EFNA5: variants seen among roughly 807,000 people sequenced by gnomAD.
EFNA5 encodes the protein ephrin-A5.
A neutral mutation model predicts 22.9 loss-of-function variants in EFNA5; 5 were observed. The observed-to-expected ratio is 0.22, with a 90% CI of 0.11 to 0.46. The LOEUF (loss-of-function observed/expected upper bound fraction) is 0.46, where lower values mean the gene tolerates loss of function less well. Ranked by LOEUF, EFNA5 falls within the 20% of genes least tolerant of loss-of-function variation. The pLI is 0.99. For missense variants in EFNA5, 237 were observed against 293.3 expected (o/e 0.81, Z 1.40); for synonymous variants, 113 against 112.2 (o/e 1.01, Z -0.04).
intron 1 of EFNA5, among the ~76,000 whole-genome samples, chr5:107,441,605 C>G (rs1196545864): frequency 1.3e-5 from 2 of 152,032 alleles, no homozygotes; most frequent in Non-Finnish European, 2.9e-5. Context: ...GTGGGAGGTG[C>G]CTATTGTTTT....
intron 1 of EFNA5, among the ~76,000 whole-genome samples, chr5:107,662,943 A>T (rs1157184261): frequency 6.6e-6 from 1 of 152,130 alleles, no homozygotes; most frequent in East Asian, 1.9e-4. Context: ...AGAAAAAAAT[A>T]TGTATGGAAA....
At position 107,377,561 on chromosome 5, in the gene EFNA5, G is replaced by A. The variant is rs868780110; in HGVS notation, c.*3694C>T. ...GAAAATAATACAAATGGCTGCTGCC[G>A]TTGCTAAGGCACCGGAGAAAAACAG... On this transcript the variant is annotated 3_prime_UTR_variant, in exon 5 of 5. Coordinates refer to ENST00000333274, the MANE Select transcript of EFNA5 (RefSeq NM_001962.3). 4.6e-5 allele frequency: 7 copies of A among 152,086 alleles called. No homozygotes were observed. Among genetic ancestry groups the A allele is most frequent in the Non-Finnish European group, 1.0e-4 (7 of 68,022 alleles). 9.4% of individuals were successfully genotyped at this position (152,086 alleles called of 1,614,324 possible). A position where few individuals can be genotyped will look rare whatever the true frequency, so the allele number is the denominator to read the frequency against.
intron 1 of EFNA5, among the ~76,000 whole-genome samples, chr5:107,494,480 G>A (rs1335737049): frequency 6.6e-6 from 1 of 152,198 alleles, no homozygotes; most frequent in Non-Finnish European, 1.5e-5. Flanking sequence ...CTGCCTTCCC[G>A]TGGGGCTGGG....
chr5:107,405,849 TA>T (rs1748194765), intron 2 of EFNA5, among the ~76,000 whole-genome samples: 1 of 150,896 alleles, frequency 6.6e-6, no homozygotes, highest in South Asian at 2.1e-4. Context: ...TATGTATTTA[TA>T]TACATAGAAT....
intron 1 of EFNA5, among the ~76,000 whole-genome samples, chr5:107,637,516 G>C (rs11242642): frequency 0.58 from 82,326 of 141,778 alleles, 24,442 homozygotes; most frequent in Non-Finnish European, 0.7. Flanking sequence ...GTGTGTGTGT[G>C]TCTGTGTGTG....
At chr5:107,585,488 T>C (rs1378076806) in intron 1 of EFNA5, among the ~76,000 whole-genome samples, 1 of 152,180 alleles carries the variant, frequency 6.6e-6, no homozygotes, top group Admixed American at 6.5e-5. Context: ...ACAGTACTGA[T>C]AAATTCTAAA....
At position 107,602,652 on chromosome 5, in the gene EFNA5, C is replaced by A. The variant is rs1488673356; in HGVS notation, c.125+67837G>T. Among the ~76,000 whole-genome samples, 6 of 152,090 alleles carry A rather than the reference C, an allele frequency of 3.9e-5. No individual in the cohort carries two copies. The East Asian group carries it at 1.2e-3, about 29-fold the overall frequency. On this transcript the variant is annotated intron_variant, in intron 1 of 4. Coordinates refer to ENST00000333274, the MANE Select transcript of EFNA5 (RefSeq NM_001962.3). ...AACACCTCACAGGCTGGGGACAGGA[C>A]TAATAATTTGACTTAATTACATGGT...
At chr5:107,651,337 C>T (rs929521910) in intron 1 of EFNA5, among the ~76,000 whole-genome samples, 23 of 152,104 alleles carry the variant, frequency 1.5e-4, no homozygotes, top group African/African-American at 5.6e-4. Context: ...AGTAAGTGCT[C>T]AATAAATGGG....
chr5:107,463,317 T>C (rs898080377), intron 1 of EFNA5, among the ~76,000 whole-genome samples: 2 of 152,154 alleles, frequency 1.3e-5, no homozygotes, highest in Admixed American at 6.6e-5. Context: ...ACTTTATATA[T>C]AACATATTCT....
rs1157511922 is a variant in EFNA5, at chr5:107,420,518, C to CT, written c.418+6698dup. 5.1e-4 allele frequency among the ~76,000 whole-genome samples: 40 copies of CT among 77,910 alleles called. No homozygotes were observed. The East Asian group carries it at 9.8e-3, about 19-fold the overall frequency. 51.1% of individuals were successfully genotyped at this position (77,910 alleles called of 152,430 possible). ...AAGCTACACTTAACCAGAGTCTGTG[C>CT]TTTTAAAAAAAAAAAAAAAAAAGAA... is the stretch of plus-strand genomic sequence containing the variant. On this transcript the variant is annotated intron_variant, in intron 2 of 4. Transcript: ENST00000333274.
At chr5:107,479,379 C>T (rs1750392183) in intron 1 of EFNA5, among the ~76,000 whole-genome samples, 1 of 152,032 alleles carries the variant, frequency 6.6e-6, no homozygotes, top group Non-Finnish European at 1.5e-5. Context: ...TTGAGCAGTG[C>T]CCAGGCTACC....
chr5:107,533,246 G>A (rs149744946), intron 1 of EFNA5, among the ~76,000 whole-genome samples: 2 of 152,094 alleles, frequency 1.3e-5, no homozygotes, highest in African/African-American at 2.4e-5. Flanking sequence ...CACTGCTCTC[G>A]ATATGAAGCG....
chr5:107,481,122 A>G lies in EFNA5; in HGVS notation c.126-53613T>C, dbSNP rs200764072. Among the ~76,000 whole-genome samples the G allele has an allele frequency of 5.6e-4, 85 of 152,300 alleles. No homozygotes were observed. In the East Asian group the frequency reaches 0.015, roughly 26 times the overall value. Reference sequence around the variant, plus strand: ...AGGTGTGCAGCAAGCAACAGGGTAAAGTTAGACTCTCCTGCTGACAGGCAA... The same window carrying G: ...AGGTGTGCAGCAAGCAACAGGGTAAGGTTAGACTCTCCTGCTGACAGGCAA... On this transcript the variant is annotated intron_variant, in intron 1 of 4. Transcript: ENST00000333274.
At chr5:107,548,653 T>G (rs916554094) in intron 1 of EFNA5, among the ~76,000 whole-genome samples, 1 of 152,200 alleles carries the variant, frequency 6.6e-6, no homozygotes, top group Admixed American at 6.5e-5. Context: ...GTAGGAGCAG[T>G]GTCTAGCAGA....
At position 107,496,561 on chromosome 5, in the gene EFNA5, C is replaced by G. The variant is rs558420911; in HGVS notation, c.126-69052G>C. On this transcript the variant is annotated intron_variant, in intron 1 of 4. Transcript: ENST00000333274. ...CCTACATGTTTGGTAGGTCTTACCC[C>G]TCTCCTCCTTCCTGCTCTCACTGAC... Among the ~76,000 whole-genome samples the G allele has an allele frequency of 1.5e-3, 231 of 150,308 alleles. 2 individuals are homozygous for G. The highest frequency in any genetic ancestry group is 0.014 in the South Asian group (64 of 4,728).
At chr5:107,604,324 T>C (rs565938578) in intron 1 of EFNA5, among the ~76,000 whole-genome samples, 30 of 151,700 alleles carry the variant, frequency 2.0e-4, no homozygotes, top group Non-Finnish European at 4.0e-4. Context: ...GGACCATGTA[T>C]GGGCTTGCAC....
chr5:107,534,094 A>G (rs1210452754), intron 1 of EFNA5, among the ~76,000 whole-genome samples: 1 of 152,214 alleles, frequency 6.6e-6, no homozygotes, highest in Non-Finnish European at 1.5e-5. Context: ...GCTGGATGAC[A>G]CTGTGTGTCT....
intron 1 of EFNA5, among the ~76,000 whole-genome samples, chr5:107,530,118 C>T (rs932300826): frequency 1.3e-5 from 2 of 152,194 alleles, no homozygotes; most frequent in Non-Finnish European, 2.9e-5. Flanking sequence ...CGACCAACTT[C>T]CAAATTTCAG....
chr5:107,636,028 G>A (rs1178436124), intron 1 of EFNA5, among the ~76,000 whole-genome samples: 1 of 152,118 alleles, frequency 6.6e-6, no homozygotes, highest in Non-Finnish European at 1.5e-5. Context: ...GTTTAAATGA[G>A]TCACTTAAGC....
Sources: allele counts gnomAD v4.1 joint callset (sites outside exome capture counted in the v4.1 genomes callset), GRCh38; gene constraint gnomAD v4.1.1; transcripts MANE v1.5; gene names NCBI Gene and HGNC (gene_info 2026-07-23, HGNC 2026-07-21).